NRP1: variants seen among roughly 807,000 people sequenced by gnomAD.
NRP1 encodes neuropilin 1.
A neutral mutation model predicts 106.7 loss-of-function variants in NRP1; 35 were observed. The ratio of observed to expected loss-of-function variants is 0.33; its 90% CI spans 0.25 to 0.43. The LOEUF (loss-of-function observed/expected upper bound fraction) is 0.43, where lower values mean the gene tolerates loss of function less well. Among genes scored for constraint, NRP1 ranks in the 20% least tolerant of loss-of-function variants. The pLI, the probability that NRP1 is intolerant of heterozygous loss-of-function variation, is 1.00. For missense variants in NRP1, 1,024 were observed against 1,170.4 expected, an observed-to-expected ratio of 0.87 and a Z score of 1.83; for synonymous variants, 437 against 417.9, an observed-to-expected ratio of 1.05 and a Z score of -0.56.
intron 9 of NRP1, chr10:33,213,047 C>T (rs1021382611): frequency 2.7e-5 from 16 of 587,604 alleles, no homozygotes; most frequent in South Asian, 9.0e-5. Context: ...CAGACCCAAA[C>T]GACTGAGTGG....
At chr10:33,236,962 A>G (rs917520293) in intron 6 of NRP1, among the ~76,000 whole-genome samples, 4 of 152,118 alleles carry the variant, frequency 2.6e-5, no homozygotes, top group African/African-American at 9.7e-5. Context: ...TAGCGCAATT[A>G]AGACCTTTTT....
In NRP1 at chr10:33,221,714, CT is replaced by C; in HGVS notation, c.1282+4del. The C allele has an allele frequency of 6.2e-7, 1 of 1,612,486 alleles. No homozygotes were observed. The highest frequency in any genetic ancestry group is 8.5e-7 in the Non-Finnish European group (1 of 1,178,566). On this transcript the variant is annotated splice_donor_region_variant and intron_variant, in intron 8 of 16. Transcript: ENST00000374867. ...AGATTCAGTCTTCAATCTTCCACAG[CT>C]TACCTGTTATCTTGCAACCGTATAC...
chr10:33,280,406 C>A (rs1384836804), intron 2 of NRP1, among the ~76,000 whole-genome samples: 2 of 152,106 alleles, frequency 1.3e-5, no homozygotes, highest in Non-Finnish European at 2.9e-5. Flanking sequence ...CCTTTAATTA[C>A]AATAAACTCA....
intron 2 of NRP1, among the ~76,000 whole-genome samples, chr10:33,307,245 G>T (rs1398607989): frequency 6.6e-6 from 1 of 152,186 alleles, no homozygotes; most frequent in Non-Finnish European, 1.5e-5. Context: ...TAAGACAGAG[G>T]TCAGCAAACT....
intron 6 of NRP1, among the ~76,000 whole-genome samples, chr10:33,247,564 G>A (rs7915855): frequency 0.021 from 3,193 of 152,308 alleles, 98 homozygotes; most frequent in African/African-American, 0.07. Context: ...TGACAGCCTC[G>A]TCTGTGGCCC....
chr10:33,308,611 G>A (rs1270942394), intron 2 of NRP1, among the ~76,000 whole-genome samples: 2 of 151,678 alleles, frequency 1.3e-5, no homozygotes, highest in Admixed American at 1.3e-4. Context: ...CTCAGCCTCT[G>A]GAGTAGCTGG....
chr10:33,304,084 T>G (rs1403804001), intron 2 of NRP1, among the ~76,000 whole-genome samples: 1 of 152,248 alleles, frequency 6.6e-6, no homozygotes, highest in African/African-American at 2.4e-5. Context: ...TGTGTGGCAC[T>G]TAGCTGTTCT....
intron 2 of NRP1, among the ~76,000 whole-genome samples, chr10:33,302,021 C>CAG (rs141866907): frequency 4.0e-5 from 6 of 151,472 alleles, no homozygotes; most frequent in African/African-American, 7.2e-5. Flanking sequence ...GAGCAAGAGA[C>CAG]AGAGAGAGAG....
chr10:33,189,764 G>C (rs1334493755), intron 13 of NRP1, among the ~76,000 whole-genome samples: 1 of 152,174 alleles, frequency 6.6e-6, no homozygotes, highest in Non-Finnish European at 1.5e-5. Context: ...ACAACCCAAT[G>C]TCTGGCTTGC....
chr10:33,241,958 C>G (rs534804459), intron 6 of NRP1, among the ~76,000 whole-genome samples: 1 of 151,988 alleles, frequency 6.6e-6, no homozygotes, highest in Non-Finnish European at 1.5e-5. Flanking sequence ...CATAAATATT[C>G]GAAATCTAGA....
At chr10:33,305,746 TAA>T (rs36039725) in intron 2 of NRP1, among the ~76,000 whole-genome samples, 69 of 143,974 alleles carry the variant, frequency 4.8e-4, no homozygotes, top group African/African-American at 7.6e-4. Context: ...GATCTCTTTG[TAA>T]AAAAAAAAAA....
chr10:33,203,118 G>A, intron 10 of NRP1, 123 bp from the exon 11 acceptor site: 1 of 900,332 alleles, frequency 1.1e-6, no homozygotes, highest in African/African-American at 1.7e-5. Flanking sequence ...CCAGGGGCAT[G>A]GTTTGCCTCT....
At chr10:33,285,940 C>G (rs1213475236) in intron 2 of NRP1, among the ~76,000 whole-genome samples, 1 of 152,150 alleles carries the variant, frequency 6.6e-6, no homozygotes. Context: ...ATCTTTGACC[C>G]CCGGGTGAGT....
At chr10:33,199,365 T>TTTTTTTTATATATA (rs57582967) in intron 11 of NRP1, among the ~76,000 whole-genome samples, 2 of 64,268 alleles carry the variant, frequency 3.1e-5, no homozygotes, top group African/African-American at 1.0e-4. Flanking sequence ...CCTGGCTGTT[T>TTTTTTTTATATATA]TCTATATATA....
chr10:33,331,793 A>G (rs772492262), intron 1 of NRP1, among the ~76,000 whole-genome samples: 14 of 152,204 alleles, frequency 9.2e-5, no homozygotes, highest in Non-Finnish European at 1.0e-4. Flanking sequence ...GTCACATTTT[A>G]TGATGGATTT....
chr10:33,288,262 G>A (rs2132607929), intron 2 of NRP1: 1 of 152,274 alleles, frequency 6.6e-6, no homozygotes, highest in African/African-American at 2.4e-5. Flanking sequence ...GTCCCTACCA[G>A]TTACTATTCT....
intron 3 of NRP1, among the ~76,000 whole-genome samples, chr10:33,266,157 T>G (rs1842904087): frequency 6.6e-6 from 1 of 152,152 alleles, no homozygotes; most frequent in Non-Finnish European, 1.5e-5. Context: ...CAGTTCAGAT[T>G]AAGATTTATT....
chr10:33,246,229 C>T (rs1319206144), intron 6 of NRP1, among the ~76,000 whole-genome samples: 1 of 147,944 alleles, frequency 6.8e-6, no homozygotes, highest in Non-Finnish European at 1.5e-5. Flanking sequence ...CAAATCATAC[C>T]CTCCTTAAAA....
intron 6 of NRP1, among the ~76,000 whole-genome samples, chr10:33,235,162 C>T (rs1840458804): frequency 6.6e-6 from 1 of 152,188 alleles, no homozygotes; most frequent in East Asian, 1.9e-4. Context: ...CTGACATGTT[C>T]TTTGAACTGG....
Sources: gnomAD v4.1 joint callset for allele counts (sites outside exome capture counted in the v4.1 genomes callset) on GRCh38, gnomAD v4.1.1 for gene constraint, MANE v1.5 for transcripts, NCBI Gene and HGNC (gene_info 2026-07-23, HGNC 2026-07-21) for gene names.